MID1: variants seen among roughly 807,000 people sequenced by gnomAD.
MID1 encodes the protein midline 1, also known as E3 ubiquitin-protein ligase Midline-1.
A neutral mutation model predicts 40.4 loss-of-function variants in MID1; 7 were observed. The observed-to-expected ratio is 0.17, with a 90% CI of 0.10 to 0.33. The LOEUF (loss-of-function observed/expected upper bound fraction) is 0.33, where lower values mean the gene tolerates loss of function less well. Ranked by LOEUF, MID1 falls within the 10% of genes least tolerant of loss-of-function variation. The pLI is 1.00. For missense variants in MID1, 367 were observed against 558.5 expected, an observed-to-expected ratio of 0.66 and a Z score of 3.46; for synonymous variants, 229 against 221.2, an observed-to-expected ratio of 1.04 and a Z score of -0.31.
At chrX:10,626,824 G>A in intron 1 of MID1, among the ~76,000 whole-genome samples, 1 of 111,948 alleles carries the variant, frequency 8.9e-6, no homozygotes, top group Non-Finnish European at 1.9e-5. Flanking sequence ...TGTGTTACTG[G>A]GTGAACATAA....
At chrX:10,722,046 G>T (rs2043359681) in intron 1 of MID1, among the ~76,000 whole-genome samples, 1 of 111,366 alleles carries the variant, frequency 9.0e-6, no homozygotes, top group African/African-American at 3.3e-5. Context: ...CTGAATGAAT[G>T]TGTGATTAGA....
At chrX:10,828,479 A>G (rs1402184454) in intron 1 of MID1, among the ~76,000 whole-genome samples, 1 of 111,946 alleles carries the variant, frequency 8.9e-6, no homozygotes, top group Non-Finnish European at 1.9e-5. Flanking sequence ...TGTTAAATTA[A>G]TAAGTATGAA....
At chrX:10,500,352 G>T (rs759620544) in intron 3 of MID1, among the ~76,000 whole-genome samples, 3 of 111,880 alleles carry the variant, frequency 2.7e-5, no homozygotes, top group Non-Finnish European at 5.6e-5. Context: ...TTGGGAACAG[G>T]ATCTATTCAT....
At chrX:10,725,670 C>A (rs2043385559) in intron 1 of MID1, among the ~76,000 whole-genome samples, 1 of 111,225 alleles carries the variant, frequency 9.0e-6, no homozygotes, top group Admixed American at 9.6e-5. Flanking sequence ...ACCAGCCTGG[C>A]CAACATGGTG....
intron 2 of MID1, among the ~76,000 whole-genome samples, chrX:10,559,592 T>C (rs1484313850): frequency 8.9e-6 from 1 of 112,417 alleles, no homozygotes; most frequent in East Asian, 2.8e-4. Flanking sequence ...AGACATCTAG[T>C]AAATTCAATA....
intron 1 of MID1, 103 bp downstream of exon 1, chrX:10,620,187 G>A (rs1481657598): frequency 1.8e-5 from 2 of 112,536 alleles, no homozygotes; most frequent in Non-Finnish European, 3.7e-5. Flanking sequence ...CATCGACTAC[G>A]GCCAGGCGCC....
intron 1 of MID1, among the ~76,000 whole-genome samples, chrX:10,581,731 G>C (rs1935024526): frequency 8.9e-6 from 1 of 112,088 alleles, no homozygotes; most frequent in Non-Finnish European, 1.9e-5. Context: ...AATGTGAAAT[G>C]AACTAGCATT....
chrX:10,479,161 T>A (rs1930178596), intron 5 of MID1, among the ~76,000 whole-genome samples: 1 of 112,310 alleles, frequency 8.9e-6, no homozygotes, highest in African/African-American at 3.2e-5. Flanking sequence ...TGACAGCTAT[T>A]CTGAAACCAA....
chrX:10,590,891 T>G (rs1439855441), intron 1 of MID1, among the ~76,000 whole-genome samples: 1 of 112,339 alleles, frequency 8.9e-6, no homozygotes, highest in East Asian at 2.8e-4. Context: ...GTTATTTTGC[T>G]TTGCATCTTA....
chrX:10,632,301 G>A (rs1369133204), intron 1 of MID1, among the ~76,000 whole-genome samples: 1 of 111,391 alleles, frequency 9.0e-6, no homozygotes. Context: ...TGTATCTTGG[G>A]CAAGTCACTT....
chrX:10,525,439 CTAAACT>C (rs1932812356), intron 2 of MID1, among the ~76,000 whole-genome samples: 1 of 112,137 alleles, frequency 8.9e-6, no homozygotes, highest in Admixed American at 9.5e-5. Flanking sequence ...CTCAAAACAA[CTAAACT>C]TACTTATTCT....
intron 9 of MID1, among the ~76,000 whole-genome samples, chrX:10,451,663 A>AGTGTT (rs1928348529): frequency 9.0e-6 from 1 of 111,536 alleles, no homozygotes; most frequent in Non-Finnish European, 1.9e-5. Flanking sequence ...AGGTCCTTTC[A>AGTGTT]GTGTTGTTCT....
chrX:10,741,015 A>G (rs2043520026), intron 1 of MID1, among the ~76,000 whole-genome samples: 1 of 112,312 alleles, frequency 8.9e-6, no homozygotes, highest in Non-Finnish European at 1.9e-5. Context: ...CAAGCATATT[A>G]GCAACTGATG....
chrX:10,480,545 C>T (rs1434336966), intron 5 of MID1, among the ~76,000 whole-genome samples: 2 of 112,147 alleles, frequency 1.8e-5, no homozygotes, highest in Non-Finnish European at 3.8e-5. Context: ...TAAGTGTAAA[C>T]GCTATCTATT....
chrX:10,637,751 T>C (rs898216277), intron 1 of MID1, among the ~76,000 whole-genome samples: 2 of 112,031 alleles, frequency 1.8e-5, no homozygotes, highest in Admixed American at 1.9e-4. Flanking sequence ...TAGAATTATC[T>C]GGGCTCCTAA....
intron 2 of MID1, among the ~76,000 whole-genome samples, chrX:10,561,284 A>G (rs969099317): frequency 1.9e-5 from 2 of 107,283 alleles, no homozygotes; most frequent in African/African-American, 7.5e-5. Flanking sequence ...AACCTAGGCA[A>G]TACCATTCAG....
At chrX:10,524,238 T>C (rs1932786237) in intron 2 of MID1, among the ~76,000 whole-genome samples, 1 of 111,732 alleles carries the variant, frequency 8.9e-6, no homozygotes, top group Non-Finnish European at 1.9e-5. Context: ...ACACAATAGC[T>C]CTCTGTTCTG....
intron 1 of MID1, among the ~76,000 whole-genome samples, chrX:10,594,061 T>C (rs1935366528): frequency 9.0e-6 from 1 of 111,141 alleles, no homozygotes; most frequent in African/African-American, 3.3e-5. Flanking sequence ...GGTACTGGTG[T>C]TTGTGCCGAT....
intron 1 of MID1, among the ~76,000 whole-genome samples, chrX:10,785,159 T>C (rs1407412707): frequency 9.0e-6 from 1 of 111,468 alleles, no homozygotes; most frequent in African/African-American, 3.3e-5. Context: ...ACAAGCATTC[T>C]TATACACCAA....
Sources: allele counts gnomAD v4.1 joint callset (sites outside exome capture counted in the v4.1 genomes callset), GRCh38; gene constraint gnomAD v4.1.1; transcripts MANE v1.5; gene names NCBI Gene and HGNC (gene_info 2026-07-23, HGNC 2026-07-21).